The following HEPHL1 variants were observed in gnomAD, a reference collection of about 807,000 sequenced individuals.
The protein encoded by HEPHL1 is ferroxidase HEPHL1.
In HEPHL1, 123 loss-of-function variants were observed where a neutral mutation model predicts 122.0. The observed-to-expected ratio is 1.01, with a 90% CI of 0.87 to 1.17. The LOEUF (loss-of-function observed/expected upper bound fraction) is 1.17. Among genes scored for constraint, HEPHL1 ranks in the 50% most tolerant of loss-of-function variants. The pLI, the probability that HEPHL1 is intolerant of heterozygous loss-of-function variation, is 0.00. For missense variants in HEPHL1, 1,452 were observed against 1,430.5 expected (o/e 1.01, Z -0.24); for synonymous variants, 527 against 508.9 (o/e 1.04, Z -0.48).
rs1211728998 is a variant in HEPHL1, at chr11:94,112,949, T to G, written c.*1055T>G. Reference sequence around the variant, plus strand: ...AGATAGGAGAAGGGACCTCTAAATATCCTAGATTCTATGGCTTTTAAAGAC... The same window carrying G: ...AGATAGGAGAAGGGACCTCTAAATAGCCTAGATTCTATGGCTTTTAAAGAC... On this transcript the variant is annotated 3_prime_UTR_variant, in exon 20 of 20. Coordinates refer to ENST00000315765, the MANE Select transcript of HEPHL1 (RefSeq NM_001098672.2). The G allele has an allele frequency of 2.6e-5, 4 of 152,148 alleles. No individual in the cohort carries two copies. The highest frequency in any genetic ancestry group is 6.6e-5 in the Admixed American group (1 of 15,256). 9.4% of individuals were successfully genotyped at this position (152,148 alleles called of 1,614,324 possible).
chr11:94,070,232 C>A (rs1946062822), intron 5 of HEPHL1, 142 bp from the exon 6 acceptor site: 2 of 634,870 alleles, frequency 3.2e-6, no homozygotes, highest in African/African-American at 1.8e-5. Flanking sequence ...TGCCATTTAT[C>A]CTTTTTAAAA....
rs186387608 is a variant in HEPHL1, at chr11:94,106,508, G to A, written c.3045+378G>A. On this transcript the variant is annotated intron_variant, in intron 17 of 19. Coordinates refer to ENST00000315765, the MANE Select transcript of HEPHL1 (RefSeq NM_001098672.2). ...GACGGGGTTTCACCATGTTAGCCAG[G>A]ATGGTCTCAATCTCCTGACCTCGTG... Among the ~76,000 whole-genome samples, 93 of 151,882 alleles carry A rather than the reference G, an allele frequency of 6.1e-4. No homozygotes were observed. In the East Asian group the frequency reaches 0.017, roughly 27 times the overall value.
chr11:94,086,903 AAACC>A (rs139026892), intron 11 of HEPHL1, among the ~76,000 whole-genome samples: 3,638 of 152,314 alleles, frequency 0.024, 141 homozygotes, highest in African/African-American at 0.083. Context: ...ATGTTTTTCC[AAACC>A]AATTTTTTCA....
chr11:94,055,816 C>T, intron 2 of HEPHL1: 2 of 447,392 alleles, frequency 4.5e-6, no homozygotes, highest in Non-Finnish European at 4.2e-6. Flanking sequence ...AAAATGAGTT[C>T]CTTTCCATAC....
chr11:94,101,581 A>C (rs1396285018), intron 14 of HEPHL1, among the ~76,000 whole-genome samples: 1 of 152,192 alleles, frequency 6.6e-6, no homozygotes, highest in Non-Finnish European at 1.5e-5. Flanking sequence ...CATTTGTTGT[A>C]ATTGATGAAC....
chr11:94,109,754 ATGGTATC>A (rs1946434663), intron 17 of HEPHL1, among the ~76,000 whole-genome samples: 1 of 152,114 alleles, frequency 6.6e-6, no homozygotes, highest in Non-Finnish European at 1.5e-5. Context: ...GTTATGGATG[ATGGTATC>A]TATGTTCATG....
intron 1 of HEPHL1, among the ~76,000 whole-genome samples, chr11:94,035,245 C>G (rs1016375899): frequency 6.6e-6 from 1 of 152,218 alleles, no homozygotes; most frequent in African/African-American, 2.4e-5. Context: ...ACGTTCTTTT[C>G]CTACAATTCT....
intron 1 of HEPHL1, among the ~76,000 whole-genome samples, chr11:94,033,969 T>G (rs2134406531): frequency 6.6e-6 from 1 of 152,224 alleles, no homozygotes; most frequent in Middle Eastern, 3.4e-3. Flanking sequence ...AAAGGGTGCT[T>G]GGCAGGTAGA....
At chr11:94,023,061 C>T (rs1409207672) in intron 1 of HEPHL1, among the ~76,000 whole-genome samples, 1 of 152,174 alleles carries the variant, frequency 6.6e-6, no homozygotes, top group Non-Finnish European at 1.5e-5. Flanking sequence ...AGGGATTTTT[C>T]AATTCATTAC....
chr11:94,063,705 C>A lies in HEPHL1; in HGVS notation c.613C>A (p.Leu205Met), dbSNP rs1284674460. ...DICSGLIGPL[L>M]VCKEGILNRY... Reference sequence around the variant, plus strand: ...CTGCTCTGGGCTAATTGGGCCCCTGCTGGTCTGCAAGGAAGGTAAGGAGCT... The same window carrying A: ...CTGCTCTGGGCTAATTGGGCCCCTGATGGTCTGCAAGGAAGGTAAGGAGCT... The change falls in exon 3 of 20, where the codon CTG (leucine) becomes ATG (methionine). Residue 205 changes from leucine to methionine, a missense_variant. Coordinates refer to ENST00000315765, the MANE Select transcript of HEPHL1 (RefSeq NM_001098672.2). 2 of 1,613,428 alleles carry A rather than the reference C, an allele frequency of 1.2e-6. No homozygotes were observed. The highest frequency in any genetic ancestry group is 2.2e-5 in the East Asian group (1 of 44,872).
At chr11:94,028,017 A>G (rs1945641238) in intron 1 of HEPHL1, among the ~76,000 whole-genome samples, 1 of 151,702 alleles carries the variant, frequency 6.6e-6, no homozygotes, top group African/African-American at 2.4e-5. Context: ...AGCTCAAACA[A>G]TATTTCTTGT....
At chr11:94,109,762 T>TC (rs1946434801) in intron 17 of HEPHL1, among the ~76,000 whole-genome samples, 2 of 152,228 alleles carry the variant, frequency 1.3e-5, no homozygotes, top group African/African-American at 4.8e-5. Context: ...TGATGGTATC[T>TC]ATGTTCATGA....
At chr11:94,033,304 G>A (rs1334582550) in intron 1 of HEPHL1, among the ~76,000 whole-genome samples, 4 of 152,136 alleles carry the variant, frequency 2.6e-5, no homozygotes, top group African/African-American at 9.7e-5. Flanking sequence ...TTTGCTGCTG[G>A]TAACAAGGTC....
chr11:94,106,117 G>A lies in HEPHL1; in HGVS notation c.3032G>A (p.Ser1011Asn), dbSNP rs370227753. The A allele has an allele frequency of 1.9e-6, 3 of 1,559,202 alleles. No individual in the cohort carries two copies. The African/African-American group carries it at 4.1e-5, about 21-fold the overall frequency. ...DIHTIHYHAE[S>N]FLFKIDKSYR... The stretch of plus-strand genomic sequence containing the variant: ...CATACCATCCATTATCATGCTGAGA[G>A]CTTTCTTTTCAAAGTAAGTATAAGG... Residue 1011 changes from serine (S) to asparagine (N), a missense_variant, in exon 17 of 20, where the codon AGC becomes AAC. Physicochemically the swap from Ser to Asn is conservative, Grantham distance 46. Transcript: ENST00000315765.
Position 94,063,568 on chromosome 11 carries a change from G to A in HEPHL1, c.476G>A (p.Gly159Glu). The A allele has an allele frequency of 1.9e-6, 3 of 1,613,546 alleles. No homozygotes were observed. Among genetic ancestry groups the A allele is most frequent in the Non-Finnish European group, 2.5e-6 (3 of 1,179,764 alleles). The change falls in exon 3 of 20, where the codon GGG becomes GAG. Residue 159 changes from glycine (G) to glutamate (E), a missense_variant. Coordinates refer to ENST00000315765, the MANE Select transcript of HEPHL1 (RefSeq NM_001098672.2). ...AAAAATGATGACATGGTTCCTCCTG[G>A]GAAAAACTACACCTACGTCTGGCCG... ...RNKNDDMVPP[G>E]KNYTYVWPVR...
chr11:94,064,867 C>G (rs895559243), intron 4 of HEPHL1, among the ~76,000 whole-genome samples: 1 of 152,154 alleles, frequency 6.6e-6, no homozygotes, highest in Non-Finnish European at 1.5e-5. Flanking sequence ...ATGAAATCAT[C>G]GTTCTATAAT....
At chr11:94,053,382 T>C (rs1199083743) in intron 2 of HEPHL1, among the ~76,000 whole-genome samples, 1 of 152,108 alleles carries the variant, frequency 6.6e-6, no homozygotes, top group Non-Finnish European at 1.5e-5. Context: ...GTTGTCTCAA[T>C]TTTGTTGATC....
chr11:94,051,000 G>C (rs1231153926), intron 2 of HEPHL1, among the ~76,000 whole-genome samples: 1 of 152,050 alleles, frequency 6.6e-6, no homozygotes, highest in African/African-American at 2.4e-5. Context: ...TCTTGTGGCT[G>C]AATAGTACTC....
intron 1 of HEPHL1, among the ~76,000 whole-genome samples, chr11:94,043,868 C>A (rs1003964513): frequency 2.0e-5 from 3 of 151,930 alleles, no homozygotes; most frequent in African/African-American, 7.3e-5. Flanking sequence ...TCCTTCAAGG[C>A]AGGGGCTTTG....
Sources: gnomAD v4.1 joint callset for allele counts (sites outside exome capture counted in the v4.1 genomes callset) on GRCh38, gnomAD v4.1.1 for gene constraint, MANE v1.5 for transcripts, NCBI Gene and HGNC (gene_info 2026-07-23, HGNC 2026-07-21) for gene names.